Variants in C15orf40 observed in about 807,000 individuals in gnomAD.
C15orf40 encodes chromosome 15 open reading frame 40.
A neutral mutation model predicts 13.9 loss-of-function variants in C15orf40; 9 were observed. The ratio of observed to expected loss-of-function variants is 0.65; its 90% CI spans 0.39 to 1.13. The LOEUF (loss-of-function observed/expected upper bound fraction) is 1.13, where lower values mean the gene tolerates loss of function less well. Ranked by LOEUF, C15orf40 falls within the 50% of genes most tolerant of loss-of-function variation. The pLI, the probability that C15orf40 is intolerant of heterozygous loss-of-function variation, is 0.01. For synonymous variants in C15orf40, 95 were observed against 69.2 expected, an observed-to-expected ratio of 1.37 and a Z score of -1.85; for missense variants, 225 against 188.5, an observed-to-expected ratio of 1.19 and a Z score of -1.13.
chr15:83,011,113 T>C (rs900229458), intron 1 of C15orf40: 1 of 183,960 alleles, frequency 5.4e-6, no homozygotes, highest in African/African-American at 2.4e-5. Flanking sequence ...ACAGAAGGGG[T>C]GCGATCAGCC....
At position 83,004,296 on chromosome 15, in the gene C15orf40, T is replaced by C; in HGVS notation, c.*1301A>G. On this transcript the variant is annotated 3_prime_UTR_variant, in exon 4 of 4. Coordinates refer to ENST00000304177, the MANE Select transcript of C15orf40 (RefSeq NM_144597.3). ...CAGCTACCATCAGCAATTTTTATTA[T>C]TGTTCTTCCTTGTGGATTTTGTTTT... 1 of 984,362 alleles carries C rather than the reference T, an allele frequency of 1.0e-6. No homozygotes were observed. Among genetic ancestry groups the C allele is most frequent in the Non-Finnish European group, 1.2e-6 (1 of 829,006 alleles). 61.0% of individuals were successfully genotyped at this position (984,362 alleles called of 1,614,324 possible).
Position 82,999,165 on chromosome 15 carries a change from T to TGAGGGA in C15orf40, c.*6426_*6431dup, listed in dbSNP as rs1203616067. 1.9e-5 allele frequency: 1 copy of TGAGGGA among 52,898 alleles called. No homozygotes were observed. Among genetic ancestry groups the TGAGGGA allele is most frequent in the East Asian group, 4.5e-4 (1 of 2,204 alleles). The allele number at this position is 52,898 out of a possible 1,614,324, so 3.3% of individuals were successfully genotyped here. On this transcript the variant is annotated 3_prime_UTR_variant, in exon 4 of 4. Transcript: ENST00000304177. ...GGAGACCGTGGGGAGAGGGAGAGGG[T>TGAGGGA]GAGGGAGAGGGGGAGGGGGAGGGGG...
chr15:82,994,849 A>T lies in C15orf40; in HGVS notation c.*10748T>A, dbSNP rs1438983820. On this transcript the variant is annotated 3_prime_UTR_variant, in exon 4 of 4. Coordinates refer to ENST00000304177, the MANE Select transcript of C15orf40 (RefSeq NM_144597.3). ...ATCTTCGTTCTGTTTATTTATGAACACAGAAAGATATGCTTTTAAAACTCT... is the reference window on the plus strand; with the variant it reads ...ATCTTCGTTCTGTTTATTTATGAACTCAGAAAGATATGCTTTTAAAACTCT... The T allele has an allele frequency of 6.6e-6, 1 of 152,214 alleles. No individual in the cohort carries two copies. Among genetic ancestry groups the T allele is most frequent in the Non-Finnish European group, 1.5e-5 (1 of 68,048 alleles). The allele number at this position is 152,214 out of a possible 1,614,324, so 9.4% of individuals were successfully genotyped here. A position where few individuals can be genotyped will look rare whatever the true frequency, so the allele number is the denominator to read the frequency against.
intron 1 of C15orf40, chr15:83,010,903 G>A (rs2151294369): frequency 6.4e-6 from 1 of 155,584 alleles, no homozygotes; most frequent in East Asian, 1.9e-4. Context: ...GGACTGCTGC[G>A]AGGGAGAAAG....
Position 82,995,933 on chromosome 15 carries a change from G to T in C15orf40, c.*9664C>A, listed in dbSNP as rs1187801447. ...CGTATATAAGAGTGAGTTATCTGTG[G>T]GCTGCTTAGGTGCAAGAAGGACAAG... On this transcript the variant is annotated 3_prime_UTR_variant, in exon 4 of 4. Coordinates refer to ENST00000304177, the MANE Select transcript of C15orf40 (RefSeq NM_144597.3). 6.6e-6 allele frequency: 1 copy of T among 152,262 alleles called. No homozygotes were observed. The highest frequency in any genetic ancestry group is 1.5e-5 in the Non-Finnish European group (1 of 68,094). The allele number at this position is 152,262 out of a possible 1,614,324, so 9.4% of individuals were successfully genotyped here. A position where few individuals can be genotyped will look rare whatever the true frequency, so the allele number is the denominator to read the frequency against.
intron 3 of C15orf40, among the ~76,000 whole-genome samples, chr15:83,007,025 T>G (rs541654063): frequency 1.3e-5 from 2 of 152,286 alleles, no homozygotes; most frequent in Non-Finnish European, 2.9e-5. Flanking sequence ...AGCTATATAG[T>G]ATAGCACTGG....
In C15orf40 at chr15:83,003,705, TAA is replaced by T. The variant is rs2031525497; in HGVS notation, c.*1890_*1891del. 6.6e-6 allele frequency: 1 copy of T among 152,358 alleles called. No individual in the cohort carries two copies. The highest frequency in any genetic ancestry group is 2.1e-4 in the South Asian group (1 of 4,830). 9.4% of individuals were successfully genotyped at this position (152,358 alleles called of 1,614,324 possible). A position where few individuals can be genotyped will look rare whatever the true frequency, so the allele number is the denominator to read the frequency against. On this transcript the variant is annotated 3_prime_UTR_variant, in exon 4 of 4. Coordinates refer to ENST00000304177, the MANE Select transcript of C15orf40 (RefSeq NM_144597.3). ...CCCTTGATACCTATTTGGTACAAGTTAAGAGTTGTACTAGACGAGTAGCTTCT... is the reference window on the plus strand; with the variant it reads ...CCCTTGATACCTATTTGGTACAAGTTGAGTTGTACTAGACGAGTAGCTTCT...
At chr15:82,992,935 G>A (rs1233229732), downstream of C15orf40, among the ~76,000 whole-genome samples, 1 of 152,150 alleles carries the variant, frequency 6.6e-6, no homozygotes, top group Non-Finnish European at 1.5e-5. Flanking sequence ...AAAAGGTACA[G>A]TTTCTGCTTC....
chr15:83,006,169 T>A (rs1309997215), intron 3 of C15orf40, among the ~76,000 whole-genome samples: 2 of 150,964 alleles, frequency 1.3e-5, no homozygotes, highest in Admixed American at 1.3e-4. Context: ...AGGCAGAGGC[T>A]GCAGTGAGCT....
downstream of C15orf40, chr15:82,991,827 A>T (rs1186671925): frequency 8.3e-7 from 1 of 1,204,378 alleles, no homozygotes; most frequent in Non-Finnish European, 1.1e-6. Context: ...CAGTGCTGTT[A>T]TATAAAGATA....
Position 83,005,056 on chromosome 15 carries a change from T to C in C15orf40, c.*541A>G, listed in dbSNP as rs2151285853. On this transcript the variant is annotated 3_prime_UTR_variant, in exon 4 of 4. Transcript: ENST00000304177. Reference sequence around the variant, plus strand: ...TTGAATATTCTTCCCAGCTCTGTTATTTTACAACGCCATGAAATCAGAGTA... The same window carrying C: ...TTGAATATTCTTCCCAGCTCTGTTACTTTACAACGCCATGAAATCAGAGTA... 8.3e-7 allele frequency: 1 copy of C among 1,205,008 alleles called. No homozygotes were observed. Among genetic ancestry groups the C allele is most frequent in the Middle Eastern group, 2.3e-4 (1 of 4,278 alleles). 74.6% of individuals were successfully genotyped at this position (1,205,008 alleles called of 1,614,324 possible).
chr15:82,993,018 T>G (rs759197246), downstream of C15orf40, among the ~76,000 whole-genome samples: 4 of 152,154 alleles, frequency 2.6e-5, no homozygotes, highest in Admixed American at 1.3e-4. Flanking sequence ...TAGTGTCAAA[T>G]AGAATTAATT....
chr15:83,011,318 CGGGGCGACGGCAGCAGGCCGCAGCTCTG>C, intron 1 of C15orf40, 151 bp downstream of exon 1: 5 of 618,864 alleles, frequency 8.1e-6, no homozygotes, highest in Non-Finnish European at 1.3e-5. Context: ...CCTACTGAGG[CGGGGCGACGGCAGCAGGCCGCAGCTCTG>C]GGGGTGGCGG....
chr15:83,005,795 C>T (rs1195987804), intron 3 of C15orf40, 103 bp from the exon 4 acceptor site: 2 of 1,423,076 alleles, frequency 1.4e-6, no homozygotes, highest in Non-Finnish European at 1.8e-6. Flanking sequence ...ATGGCTTTCT[C>T]TTGGTTACTT....
At chr15:82,989,965 A>G, downstream of C15orf40, 1 of 1,610,064 alleles carries the variant, frequency 6.2e-7, no homozygotes, top group South Asian at 1.1e-5. Context: ...GGCATGGACG[A>G]TCCTGGGGTA....
At position 82,997,580 on chromosome 15, in the gene C15orf40, G is replaced by T. The variant is rs960294919; in HGVS notation, c.*8017C>A. 2.2e-4 allele frequency: 59 copies of T among 270,550 alleles called. No individual in the cohort carries two copies. Among genetic ancestry groups the T allele is most frequent in the Middle Eastern group, 1.4e-3 (1 of 730 alleles). 16.8% of individuals were successfully genotyped at this position (270,550 alleles called of 1,614,324 possible). A position where few individuals can be genotyped will look rare whatever the true frequency, so the allele number is the denominator to read the frequency against. On this transcript the variant is annotated 3_prime_UTR_variant, in exon 4 of 4. Transcript: ENST00000304177. ...AATTTTTCTTAGTGCAGAACAAAAT[G>T]AAAAGTCTCCCATGTCTACTTCTTT... is the stretch of plus-strand genomic sequence containing the variant.
rs898939193 is a variant in C15orf40, at chr15:82,999,698, G to A, written c.*5899C>T. 3.9e-5 allele frequency: 6 copies of A among 152,058 alleles called. No homozygotes were observed. The highest frequency in any genetic ancestry group is 1.5e-4 in the African/African-American group (6 of 41,370). The allele number at this position is 152,058 out of a possible 1,614,324, so 9.4% of individuals were successfully genotyped here. On this transcript the variant is annotated 3_prime_UTR_variant, in exon 4 of 4. Transcript: ENST00000304177. ...CTAGGCATCTCTGGGGAAACCTAAG[G>A]CTTTGAAACAGTTTGAACGTCACTG...
downstream of C15orf40, among the ~76,000 whole-genome samples, chr15:82,994,061 G>C (rs2030959623): frequency 3.3e-5 from 5 of 152,248 alleles, no homozygotes; most frequent in South Asian, 1.0e-3. Flanking sequence ...AAACCACATA[G>C]GAAAAAGACA....
intron 3 of C15orf40, 108 bp from the exon 4 acceptor site, chr15:83,005,800 T>A: frequency 7.1e-7 from 1 of 1,415,058 alleles, no homozygotes. Flanking sequence ...TTTCTCTTGG[T>A]TACTTCTGGT....
Sources: allele counts gnomAD v4.1 joint callset (sites outside exome capture counted in the v4.1 genomes callset), GRCh38; gene constraint gnomAD v4.1.1; transcripts MANE v1.5; gene names NCBI Gene and HGNC (gene_info 2026-07-23, HGNC 2026-07-21).